DNAJC3: variants seen among roughly 807,000 people sequenced by gnomAD.
DNAJC3 encodes DnaJ heat shock protein family (Hsp40) member C3, also known as dnaJ homolog subfamily C member 3.
DNAJC3 carries 38 observed loss-of-function variants against 68.6 expected under a neutral mutation model. The ratio of observed to expected loss-of-function variants is 0.55; its 90% CI spans 0.43 to 0.73. DNAJC3 has a LOEUF of 0.73. DNAJC3 is among the 30% of genes least tolerant of loss of function. DNAJC3 has a pLI of 0.00. For synonymous variants in DNAJC3, 203 were observed against 204.0 expected (o/e 1.00, Z 0.04); for missense variants, 526 against 591.9 (o/e 0.89, Z 1.16).
At position 95,749,461 on chromosome 13, in the gene DNAJC3, A is replaced by T. The variant is rs535345252; in HGVS notation, c.394-8183A>T. Among the ~76,000 whole-genome samples, 8 of 152,330 alleles carry T rather than the reference A, an allele frequency of 5.3e-5. No homozygotes were observed. In the South Asian group the frequency reaches 1.5e-3, roughly 28 times the overall value. ...GGTGAGCCTAAAAGATGCCAGCAGTAAAATGGAGTAAGACTCTATTACATC... is the reference window on the plus strand; with the variant it reads ...GGTGAGCCTAAAAGATGCCAGCAGTTAAATGGAGTAAGACTCTATTACATC... On this transcript the variant is annotated intron_variant, in intron 4 of 11. Transcript: ENST00000602402.
chr13:95,713,555 G>A (rs1881042413), intron 2 of DNAJC3, among the ~76,000 whole-genome samples: 1 of 152,170 alleles, frequency 6.6e-6, no homozygotes, highest in Admixed American at 6.5e-5. Flanking sequence ...TTGTCAAGTG[G>A]CCCCCAAATT....
At chr13:95,781,143 C>G (rs1224407912) in intron 9 of DNAJC3, among the ~76,000 whole-genome samples, 1 of 152,104 alleles carries the variant, frequency 6.6e-6, no homozygotes, top group East Asian at 1.9e-4. Context: ...TAACTTTGGT[C>G]TGGGTGGGAC....
At chr13:95,718,672 A>G (rs1320154772) in intron 2 of DNAJC3, among the ~76,000 whole-genome samples, 1 of 152,200 alleles carries the variant, frequency 6.6e-6, no homozygotes, top group Admixed American at 6.5e-5. Flanking sequence ...AAATGCTGGT[A>G]TTACAGGCAT....
At chr13:95,765,172 A>T (rs996149196) in intron 9 of DNAJC3, among the ~76,000 whole-genome samples, 1 of 152,216 alleles carries the variant, frequency 6.6e-6, no homozygotes, top group Admixed American at 6.5e-5. Flanking sequence ...ACACTTTAAT[A>T]TTTATAAGCA....
chr13:95,717,195 G>A (rs1881178381), intron 2 of DNAJC3, among the ~76,000 whole-genome samples: 1 of 152,186 alleles, frequency 6.6e-6, no homozygotes, highest in South Asian at 2.1e-4. Flanking sequence ...ATGGTGGGCA[G>A]TGTGAAATGA....
At chr13:95,691,089 G>C (rs1167569861) in intron 1 of DNAJC3, among the ~76,000 whole-genome samples, 1 of 148,084 alleles carries the variant, frequency 6.8e-6, no homozygotes, top group Non-Finnish European at 1.5e-5. Flanking sequence ...CAGTAGGGGC[G>C]GCCGGGCAGA....
intron 9 of DNAJC3, among the ~76,000 whole-genome samples, chr13:95,764,605 C>T (rs372482055): frequency 1.3e-4 from 17 of 134,962 alleles, no homozygotes; most frequent in South Asian, 2.4e-4. Flanking sequence ...AAGATAACTA[C>T]GGCGTATACA....
At chr13:95,683,961 TC>T (rs1880001137) in intron 1 of DNAJC3, among the ~76,000 whole-genome samples, 1 of 150,876 alleles carries the variant, frequency 6.6e-6, no homozygotes, top group African/African-American at 2.4e-5. Flanking sequence ...ATTACCCAGT[TC>T]CGGGTATTTC....
chr13:95,707,765 A>G (rs1320041217), intron 1 of DNAJC3, among the ~76,000 whole-genome samples: 1 of 152,226 alleles, frequency 6.6e-6, no homozygotes, highest in Non-Finnish European at 1.5e-5. Context: ...TCTAGGACTA[A>G]GAGCCTCAAG....
chr13:95,740,328 G>C (rs1425452601), intron 4 of DNAJC3, among the ~76,000 whole-genome samples: 1 of 152,226 alleles, frequency 6.6e-6, no homozygotes, highest in Non-Finnish European at 1.5e-5. Context: ...TTGAGCTGTG[G>C]TGGGCTCCAC....
At chr13:95,765,028 A>G (rs9561950) in intron 9 of DNAJC3, among the ~76,000 whole-genome samples, 8,447 of 152,154 alleles carry the variant, frequency 0.056, 353 homozygotes, top group East Asian at 0.19. Flanking sequence ...ATTAGAAAAG[A>G]ATCTTGCTCC....
At chr13:95,764,707 CATATATATAT>C (rs1199317118) in intron 9 of DNAJC3, among the ~76,000 whole-genome samples, 4 of 49,644 alleles carry the variant, frequency 8.1e-5, no homozygotes, top group Admixed American at 2.3e-4. Context: ...TATATATATA[CATATATATAT>C]ACACATATAT....
At chr13:95,719,463 G>A (rs552995716) in intron 2 of DNAJC3, among the ~76,000 whole-genome samples, 1 of 152,228 alleles carries the variant, frequency 6.6e-6, no homozygotes, top group Admixed American at 6.5e-5. Context: ...CCCGAGGAGG[G>A]TACAGAGTAC....
At chr13:95,683,731 C>G (rs1879988413) in intron 1 of DNAJC3, among the ~76,000 whole-genome samples, 1 of 151,566 alleles carries the variant, frequency 6.6e-6, no homozygotes, top group African/African-American at 2.4e-5. Context: ...TCAAGATCAG[C>G]CTGGGCAAGA....
chr13:95,707,954 T>C (rs1472924607), intron 1 of DNAJC3, among the ~76,000 whole-genome samples: 4 of 152,170 alleles, frequency 2.6e-5, no homozygotes, highest in African/African-American at 9.7e-5. Flanking sequence ...CTGGTTAGCC[T>C]GTCTACGAAG....
At chr13:95,707,517 A>C (rs1220451444) in intron 1 of DNAJC3, among the ~76,000 whole-genome samples, 3 of 152,064 alleles carry the variant, frequency 2.0e-5, no homozygotes, top group Non-Finnish European at 4.4e-5. Context: ...TTCATCTCCC[A>C]TTGGCGAGGA....
At chr13:95,723,000 A>C (rs1881385610) in intron 2 of DNAJC3, among the ~76,000 whole-genome samples, 1 of 151,930 alleles carries the variant, frequency 6.6e-6, no homozygotes, top group Non-Finnish European at 1.5e-5. Flanking sequence ...GAAATGTAAA[A>C]AACATTCTTA....
rs550281050 is a variant in DNAJC3, at chr13:95,725,671, CT to C, written c.393+428del. Among the ~76,000 whole-genome samples, 31 of 147,136 alleles carry C rather than the reference CT, an allele frequency of 2.1e-4. No individual in the cohort carries two copies. In the East Asian group the frequency reaches 2.2e-3, roughly 10 times the overall value. Reference sequence around the variant, plus strand: ...TGAAACAGATTCTTTTTTTTTTTCTCTTTTTTTTTATTATTATTATACTTTA... The same window carrying C: ...TGAAACAGATTCTTTTTTTTTTTCTCTTTTTTTTATTATTATTATACTTTA... On this transcript the variant is annotated intron_variant, in intron 4 of 11. Transcript: ENST00000602402.
chr13:95,697,499 C>T (rs1331416176), intron 1 of DNAJC3, among the ~76,000 whole-genome samples: 2 of 152,120 alleles, frequency 1.3e-5, no homozygotes, highest in African/African-American at 4.8e-5. Flanking sequence ...TGGTTATGTT[C>T]GTCTTGTATA....
Sources: allele counts gnomAD v4.1 joint callset (sites outside exome capture counted in the v4.1 genomes callset), GRCh38; gene constraint gnomAD v4.1.1; transcripts MANE v1.5; gene names NCBI Gene and HGNC (gene_info 2026-07-23, HGNC 2026-07-21).